Variants in STT3A observed in about 807,000 individuals in gnomAD.
STT3A encodes the protein dolichyl-diphosphooligosaccharide--protein glycosyltransferase subunit STT3A.
In STT3A, 34 loss-of-function variants were observed where a neutral mutation model predicts 89.2. The ratio of observed to expected loss-of-function variants is 0.38; its 90% confidence interval spans 0.29 to 0.51. The LOEUF (loss-of-function observed/expected upper bound fraction) is 0.51, where lower values mean the gene tolerates loss of function less well. Ranked by LOEUF, STT3A falls within the 20% of genes least tolerant of loss-of-function variation. The pLI is 0.89. For synonymous variants in STT3A, 282 were observed against 310.3 expected (o/e 0.91, Z 0.96); for missense variants, 555 against 889.5 (o/e 0.62, Z 4.78).
intron 10 of STT3A, among the ~76,000 whole-genome samples, chr11:125,610,179 C>A (rs977851339): frequency 6.6e-6 from 1 of 151,126 alleles, no homozygotes; most frequent in African/African-American, 2.4e-5. Flanking sequence ...CCTTCCACCT[C>A]ACCCTCCTGA....
intron 15 of STT3A, 68 bp from the exon 16 acceptor site, chr11:125,618,305 A>G: frequency 1.4e-6 from 2 of 1,429,954 alleles, no homozygotes; most frequent in Non-Finnish European, 1.9e-6. Flanking sequence ...ATTTTCTTAG[A>G]AATACTAACC....
intron 3 of STT3A, among the ~76,000 whole-genome samples, chr11:125,599,680 A>T (rs1939613485): frequency 6.7e-6 from 1 of 150,160 alleles, no homozygotes; most frequent in Non-Finnish European, 1.5e-5. Context: ...AAGTGCTGGG[A>T]TAACAGGCAT....
At position 125,602,511 on chromosome 11, in the gene STT3A, C is replaced by T. The variant is rs531875363; in HGVS notation, c.271+87C>T. 3 of 1,389,386 alleles carry T rather than the reference C, an allele frequency of 2.2e-6. No homozygotes were observed. In the East Asian group the frequency reaches 7.6e-5, roughly 35 times the overall value. The allele number at this position is 1,389,386 out of a possible 1,614,324, so 86.1% of individuals were successfully genotyped here. A position where few individuals can be genotyped will look rare whatever the true frequency, so the allele number is the denominator to read the frequency against. ...AACCAGTTTCTTTTATTTCTAATAG[C>T]TTTGTCTTGTGACACTTGTAATTTC... On this transcript the variant is annotated intron_variant, in intron 4 of 17. Transcript: ENST00000392708.
chr11:125,602,216 C>A, intron 3 of STT3A, 87 bp from the exon 4 acceptor site: 1 of 1,464,168 alleles, frequency 6.8e-7, no homozygotes, highest in South Asian at 1.3e-5. Flanking sequence ...ACTGATTTTT[C>A]ATTGAGTAAT....
Position 125,612,508 on chromosome 11 carries a change from A to G in STT3A, c.1210-84A>G. On this transcript the variant is annotated intron_variant, in intron 11 of 17. Transcript: ENST00000392708. The stretch of plus-strand genomic sequence containing the variant: ...GGTCATGTTTGATGAAAACCCCTAA[A>G]TTGATGTCTTGATCTACTAATAGGC... 4.8e-6 allele frequency: 7 copies of G among 1,472,858 alleles called. No individual in the cohort carries two copies. The East Asian group carries it at 1.4e-4, about 29-fold the overall frequency. The allele number at this position is 1,472,858 out of a possible 1,614,324, so 91.2% of individuals were successfully genotyped here. A position where few individuals can be genotyped will look rare whatever the true frequency, so the allele number is the denominator to read the frequency against.
In STT3A at chr11:125,597,136, G is replaced by C. The variant is rs774181158; in HGVS notation, c.149+17G>C. ...GTTTGATCCGTGAGTACCTTTGCTT[G>C]ATCTGGTATTATTTCCTTTGGGAGG... On this transcript the variant is annotated intron_variant, in intron 3 of 17. Coordinates refer to ENST00000392708, the MANE Select transcript of STT3A (RefSeq NM_152713.5). 2 of 1,613,616 alleles carry C rather than the reference G, an allele frequency of 1.2e-6. No individual in the cohort carries two copies. The highest frequency in any genetic ancestry group is 1.7e-6 in the Non-Finnish European group (2 of 1,179,798).
At chr11:125,602,703 A>G in intron 4 of STT3A, 100 bp from the exon 5 acceptor site, 2 of 1,487,664 alleles carry the variant, frequency 1.3e-6, no homozygotes, top group South Asian at 2.5e-5. Context: ...GTGATTTGTC[A>G]AGACTTACAT....
chr11:125,596,186 C>T (rs1164614161), intron 2 of STT3A, among the ~76,000 whole-genome samples, 183 bp downstream of exon 2: 1 of 152,096 alleles, frequency 6.6e-6, no homozygotes, highest in Non-Finnish European at 1.5e-5. Context: ...GGCTATGGGC[C>T]ACATGCAGTG....
At chr11:125,617,936 C>G (rs184279069) in intron 15 of STT3A, among the ~76,000 whole-genome samples, 20 of 152,288 alleles carry the variant, frequency 1.3e-4, no homozygotes, top group African/African-American at 4.8e-4. Context: ...AACCAGTATA[C>G]CCCCTTTTGG....
intron 15 of STT3A, among the ~76,000 whole-genome samples, chr11:125,616,529 A>G (rs972698951): frequency 6.6e-6 from 1 of 152,228 alleles, no homozygotes; most frequent in Non-Finnish European, 1.5e-5. Context: ...TTCAAGGTCA[A>G]ATTATTCATT....
chr11:125,611,167 T>A (rs759483525), intron 10 of STT3A: 19 of 278,048 alleles, frequency 6.8e-5, no homozygotes, highest in Non-Finnish European at 1.1e-4. Context: ...AATATTTTAA[T>A]ATATTCCATT....
At chr11:125,604,042 C>A in intron 5 of STT3A, 115 bp from the exon 6 acceptor site, 1 of 1,075,168 alleles carries the variant, frequency 9.3e-7, no homozygotes, top group South Asian at 1.5e-5. Context: ...CATCTACCTT[C>A]GAAATTGTTG....
In STT3A at chr11:125,618,492, C is replaced by T. The variant is rs1016570277; in HGVS notation, c.1894C>T (p.Pro632Ser). ...GTTCCGTGTGGACCGTGAAGGTTCTCCAGTGCTGCTCAACTGCCTCATGTA... is the reference window on the plus strand; with the variant it reads ...GTTCCGTGTGGACCGTGAAGGTTCTTCAGTGCTGCTCAACTGCCTCATGTA... ...GEFRVDREGS[P>S]VLLNCLMYKM... Residue 632 changes from proline (P) to serine (S), a missense_variant, in exon 16 of 18, where the codon CCA (proline) becomes TCA (serine). Pro to Ser is a moderately conservative substitution (Grantham distance 74, BLOSUM62 -1). This residue lies in a region of STT3A where 273 missense variants were observed against 449.8 expected (regional missense o/e 0.61). Coordinates refer to ENST00000392708, the MANE Select transcript of STT3A (RefSeq NM_152713.5). 9.9e-6 allele frequency: 16 copies of T among 1,613,900 alleles called. No homozygotes were observed. The highest frequency in any genetic ancestry group is 2.2e-5 in the South Asian group (2 of 91,076).
At position 125,623,067 on chromosome 11, in the gene STT3A, TCAA is replaced by T. The variant is rs1940393135; in HGVS notation, c.*2258_*2260del. The T allele has an allele frequency of 2.1e-5, 1 of 47,868 alleles. No individual in the cohort carries two copies. 3.0% of individuals were successfully genotyped at this position (47,868 alleles called of 1,614,324 possible). On this transcript the variant is annotated 3_prime_UTR_variant, in exon 18 of 18. Transcript: ENST00000392708. ...ACCTGGGAGACAGAGCAAGACTGTC[TCAA>T]AAAAAAAAAAAAAAAAAAAAAAGAG...
intron 3 of STT3A, 77 bp downstream of exon 3, chr11:125,597,196 G>A: frequency 6.8e-7 from 1 of 1,472,928 alleles, no homozygotes; most frequent in Non-Finnish European, 9.5e-7. Context: ...TCAAATTTCA[G>A]TCAGCTCTCA....
intron 15 of STT3A, among the ~76,000 whole-genome samples, chr11:125,616,669 C>T (rs894569959): frequency 3.9e-5 from 6 of 152,068 alleles, no homozygotes; most frequent in African/African-American, 1.4e-4. Context: ...TGATGCAGTT[C>T]CTATCATCAT....
chr11:125,599,760 C>G (rs879245879), intron 3 of STT3A, among the ~76,000 whole-genome samples: 1 of 145,324 alleles, frequency 6.9e-6, no homozygotes, highest in African/African-American at 2.5e-5. Context: ...GATGGAGTTT[C>G]GCTCTTGTTG....
At chr11:125,596,928 A>G in intron 2 of STT3A, 131 bp from the exon 3 acceptor site, 1 of 979,200 alleles carries the variant, frequency 1.0e-6, no homozygotes. Flanking sequence ...ATGGATAAAG[A>G]CTTTATTCAG....
chr11:125,592,330 AGTCCGC>A (rs1939322572), upstream of STT3A: 3 of 452,826 alleles, frequency 6.6e-6, no homozygotes, highest in Non-Finnish European at 1.3e-5. Flanking sequence ...TGTCTGGACC[AGTCCGC>A]GTTTGAGTTT....
Sources: allele counts gnomAD v4.1 joint callset (sites outside exome capture counted in the v4.1 genomes callset), GRCh38; gene constraint gnomAD v4.1.1; regional missense constraint gnomAD v4.1.1; transcripts MANE v1.5; gene names NCBI Gene and HGNC (gene_info 2026-07-23, HGNC 2026-07-21).